TXNRD3: variants seen among roughly 807,000 people sequenced by gnomAD.
The protein encoded by TXNRD3 is thioredoxin reductase 3, also known as TXNRD3 neighbor gene protein.
Under a neutral mutation model 78.2 loss-of-function variants are expected in TXNRD3, and 68 were observed. The ratio of observed to expected loss-of-function variants is 0.87; its 90% CI spans 0.72 to 1.06. The LOEUF is 1.06. Among genes scored for constraint, TXNRD3 ranks in the 50% least tolerant of loss-of-function variants. The pLI is 0.00. For synonymous variants in TXNRD3, 296 were observed against 300.1 expected (o/e 0.99, Z 0.14); for missense variants, 751 against 809.5 (o/e 0.93, Z 0.88).
chr3:126,638,342 A>T (rs1003890657), intron 6 of TXNRD3, among the ~76,000 whole-genome samples: 2 of 152,158 alleles, frequency 1.3e-5, no homozygotes, highest in African/African-American at 4.8e-5. Context: ...TTTGCTGCTC[A>T]GATTCTGATG....
At chr3:126,644,904 T>C (rs1391864974) in intron 3 of TXNRD3, among the ~76,000 whole-genome samples, 1 of 152,230 alleles carries the variant, frequency 6.6e-6, no homozygotes, top group Non-Finnish European at 1.5e-5. Context: ...CCCATTTTCT[T>C]TCAGCAACAG....
intron 9 of TXNRD3, among the ~76,000 whole-genome samples, chr3:126,630,102 T>C (rs1329228410): frequency 1.3e-5 from 2 of 152,214 alleles, no homozygotes; most frequent in African/African-American, 4.8e-5. Flanking sequence ...CTATAGACTG[T>C]GGGGCCACAG....
At position 126,621,798 on chromosome 3, in the gene TXNRD3, C is replaced by T. The variant is rs762130002; in HGVS notation, c.1468G>A (p.Ala490Thr). 147 of 1,534,836 alleles carry T rather than the reference C, an allele frequency of 9.6e-5. No individual in the cohort carries two copies. The highest frequency in any genetic ancestry group is 4.7e-4 in the Admixed American group (24 of 50,598). The change falls in exon 12 of 16, where the codon GCC becomes ACC. Residue 490 changes from alanine (A) to threonine (T), a missense_variant. Ala to Thr is a moderately conservative substitution (Grantham distance 58). Transcript: ENST00000524230. ...GCTAGCAGCTTGCCTGACTGTATGGCGACAGGAGTGAGCTCTGGCTTATCC... is the reference window on the plus strand; with the variant it reads ...GCTAGCAGCTTGCCTGACTGTATGGTGACAGGAGTGAGCTCTGGCTTATCC...
rs1248969859 is a variant in TXNRD3 at position 126,655,068 on chromosome 3, C to T, written c.-78G>A. Reference sequence around the variant, plus strand: ...GGCGGCTGCGGCGCCGGGACGGGGCCTGAGGGGCGGCGAACGCTGCCCTCG... The same window carrying T: ...GGCGGCTGCGGCGCCGGGACGGGGCTTGAGGGGCGGCGAACGCTGCCCTCG... On this transcript the variant is annotated 5_prime_UTR_variant, in exon 1 of 16. Transcript: ENST00000524230. 3 of 1,299,890 alleles carry T rather than the reference C, an allele frequency of 2.3e-6. No homozygotes were observed. The highest frequency in any genetic ancestry group is 4.1e-5 in the Admixed American group (1 of 24,536). 80.5% of individuals were successfully genotyped at this position (1,299,890 alleles called of 1,614,324 possible). A position where few individuals can be genotyped will look rare whatever the true frequency, so the allele number is the denominator to read the frequency against.
chr3:126,627,330 T>A (rs1194614216), intron 10 of TXNRD3, among the ~76,000 whole-genome samples: 1 of 152,098 alleles, frequency 6.6e-6, no homozygotes, highest in Non-Finnish European at 1.5e-5. Context: ...TCCACTTATA[T>A]GAGATTTAGA....
At chr3:126,642,263 C>A in intron 5 of TXNRD3, 112 bp from the exon 6 acceptor site, 1 of 1,293,254 alleles carries the variant, frequency 7.7e-7, no homozygotes, top group Non-Finnish European at 1.0e-6. Flanking sequence ...GGGGGGATGA[C>A]ACCCCACCCC....
At chr3:126,641,624 CAATACATGTT>C (rs1933091069) in intron 6 of TXNRD3, among the ~76,000 whole-genome samples, 1 of 152,154 alleles carries the variant, frequency 6.6e-6, no homozygotes, top group African/African-American at 2.4e-5. Flanking sequence ...AGAGCTTAGC[CAATACATGTT>C]TACTAGATGA....
Position 126,630,706 on chromosome 3 carries a change from C to T in TXNRD3, c.1197+6G>A. Reference sequence around the variant, plus strand: ...AAAAAAAATTGCAAATGCCATGCAGCCTTACCATCACAGGTATGAATTTCC... The same window carrying T: ...AAAAAAAATTGCAAATGCCATGCAGTCTTACCATCACAGGTATGAATTTCC... On this transcript the variant is annotated splice_donor_region_variant and intron_variant, in intron 9 of 15. Transcript: ENST00000524230. 1 of 1,534,012 alleles carries T rather than the reference C, an allele frequency of 6.5e-7. No homozygotes were observed. Among genetic ancestry groups the T allele is most frequent in the Non-Finnish European group, 8.7e-7 (1 of 1,146,720 alleles).
At chr3:126,625,982 G>C (rs1938571167) in intron 10 of TXNRD3, 1 of 152,694 alleles carries the variant, frequency 6.5e-6, no homozygotes, top group Non-Finnish European at 1.5e-5. Flanking sequence ...GCAGAGCTTC[G>C]AGATGATCTG....
At chr3:126,636,516 G>C (rs774023075) in intron 6 of TXNRD3, among the ~76,000 whole-genome samples, 5 of 152,132 alleles carry the variant, frequency 3.3e-5, no homozygotes, top group Non-Finnish European at 7.4e-5. Flanking sequence ...AGCAGGAATG[G>C]GTATGAGATT....
In TXNRD3 at chr3:126,623,851, C is replaced by CAAAAAAAAAAAAA. The variant is rs758992893; in HGVS notation, c.1291-1312_1291-1311insTTTTTTTTTTTTT. ...GGAGGTATTAGCCAGTGAAACAAGG[C>CAAAAAAAAAAAAA]CAAAAAAAAAAAAAAAAAAGATTAA... On this transcript the variant is annotated intron_variant, in intron 10 of 15. Coordinates refer to ENST00000524230, the MANE Select transcript of TXNRD3 (RefSeq NM_052883.3). 1.3e-4 allele frequency among the ~76,000 whole-genome samples: 12 copies of CAAAAAAAAAAAAA among 89,768 alleles called. 1 individual carries two copies. Among genetic ancestry groups the CAAAAAAAAAAAAA allele is most frequent in the Middle Eastern group, 7.1e-3 (1 of 140 alleles). The allele number at this position is 89,768 out of a possible 152,430, so 58.9% of individuals were successfully genotyped here.
chr3:126,653,690 G>A (rs536351599), intron 1 of TXNRD3, among the ~76,000 whole-genome samples: 2 of 152,348 alleles, frequency 1.3e-5, no homozygotes, highest in Admixed American at 1.3e-4. Context: ...CAGCAACTCA[G>A]CTTCAAGATA....
intron 9 of TXNRD3, 78 bp downstream of exon 9, chr3:126,630,634 T>C (rs942600425): frequency 7.3e-7 from 1 of 1,363,838 alleles, no homozygotes. Flanking sequence ...TACAGACTAA[T>C]TTATGTAATG....
intron 3 of TXNRD3, among the ~76,000 whole-genome samples, chr3:126,645,479 T>C (rs777236): frequency 2.0e-5 from 3 of 152,050 alleles, no homozygotes; most frequent in African/African-American, 4.8e-5. Flanking sequence ...ACACACAACA[T>C]AGACAATCTT....
Position 126,631,774 on chromosome 3 carries a change from A to G in TXNRD3, c.961T>C (p.Cys321Arg). The change falls in exon 8 of 16, where the codon TGT (cysteine) becomes CGT (arginine). Residue 321 changes from cysteine (C) to arginine (R), a missense_variant. Transcript: ENST00000524230. ...TCTATTTAACCTTACCTAGTAATACAGTATTCTTTATCTCCTTGGATTCCT... is the reference window on the plus strand; with the variant it reads ...TCTATTTAACCTTACCTAGTAATACGGTATTCTTTATCTCCTTGGATTCCT... The G allele has an allele frequency of 6.5e-7, 1 of 1,527,504 alleles. No individual in the cohort carries two copies. The highest frequency in any genetic ancestry group is 8.8e-7 in the Non-Finnish European group (1 of 1,139,094). The allele number at this position is 1,527,504 out of a possible 1,614,324, so 94.6% of individuals were successfully genotyped here. A position where few individuals can be genotyped will look rare whatever the true frequency, so the allele number is the denominator to read the frequency against.
In TXNRD3 at chr3:126,649,095, T is replaced by C. The variant is rs564201105; in HGVS notation, c.244-1799A>G. ...ATAGGGTATTTGCAAATCACATATA[T>C]GATAAGGGATTAATATCTGGATTAT... On this transcript the variant is annotated intron_variant, in intron 1 of 15. Transcript: ENST00000524230. 2.0e-3 allele frequency among the ~76,000 whole-genome samples: 307 copies of C among 152,248 alleles called. 2 individuals are homozygous for C. The highest frequency in any genetic ancestry group is 7.2e-3 in the African/African-American group (300 of 41,544).
intron 6 of TXNRD3, among the ~76,000 whole-genome samples, chr3:126,637,942 T>C (rs1356944992): frequency 2.7e-5 from 3 of 112,834 alleles, no homozygotes; most frequent in Non-Finnish European, 3.7e-5. Flanking sequence ...CTTTTTTTTT[T>C]TTTTTTTTTT....
intron 1 of TXNRD3, among the ~76,000 whole-genome samples, chr3:126,649,771 T>G (rs549504833): frequency 8.0e-4 from 121 of 152,158 alleles, no homozygotes; most frequent in Non-Finnish European, 1.5e-3. Context: ...ATGACTCAAC[T>G]CATATGAGGT....
chr3:126,628,952 T>C (rs894779941), intron 10 of TXNRD3, among the ~76,000 whole-genome samples: 1 of 152,088 alleles, frequency 6.6e-6, no homozygotes, highest in Non-Finnish European at 1.5e-5. Flanking sequence ...TACAAAAGAA[T>C]TGTTGGCCTC....
Sources: gnomAD v4.1 joint callset for allele counts (sites outside exome capture counted in the v4.1 genomes callset) on GRCh38, gnomAD v4.1.1 for gene constraint, MANE v1.5 for transcripts, NCBI Gene and HGNC (gene_info 2026-07-23, HGNC 2026-07-21) for gene names.